Variants in THSD4 observed in about 807,000 individuals in gnomAD.
THSD4 encodes the protein thrombospondin type 1 domain containing 4, also known as thrombospondin type-1 domain-containing protein 4.
Under a neutral mutation model 119.0 loss-of-function variants are expected in THSD4, and 69 were observed. That is an observed-to-expected ratio of 0.58 (90% CI 0.48 to 0.71). The LOEUF (loss-of-function observed/expected upper bound fraction) is 0.71, where lower values mean the gene tolerates loss of function less well. Ranked by LOEUF, THSD4 falls within the 30% of genes least tolerant of loss-of-function variation. THSD4 has a pLI of 0.00. For synonymous variants in THSD4, 524 were observed against 540.4 expected (o/e 0.97, Z 0.42); for missense variants, 1,393 against 1,391.1 (o/e 1.00, Z -0.02).
intron 8 of THSD4, among the ~76,000 whole-genome samples, chr15:71,724,412 A>G (rs1195791329): frequency 6.6e-6 from 1 of 150,748 alleles, no homozygotes; most frequent in African/African-American, 2.4e-5. Flanking sequence ...CAGCCTCCCA[A>G]GTAGCTGGGA....
At chr15:71,407,298 G>T (rs957847662) in intron 6 of THSD4, among the ~76,000 whole-genome samples, 9 of 152,154 alleles carry the variant, frequency 5.9e-5, no homozygotes, top group African/African-American at 2.2e-4. Context: ...CCGTAATGCT[G>T]CGTAGCTTTG....
chr15:71,594,226 C>T lies in THSD4; in HGVS notation c.1153-66304C>T, dbSNP rs796259349. 1.5e-3 allele frequency among the ~76,000 whole-genome samples: 209 copies of T among 141,420 alleles called. 2 individuals are homozygous for T. The highest frequency in any genetic ancestry group is 4.5e-3 in the African/African-American group (173 of 38,096). 92.8% of individuals were successfully genotyped at this position (141,420 alleles called of 152,430 possible). A position where few individuals can be genotyped will look rare whatever the true frequency, so the allele number is the denominator to read the frequency against. ...TGGATGAATCCTTTTTTTTTTTTTT[C>T]CTGAGATAAAGTGTCACTGTTGCCC... On this transcript the variant is annotated intron_variant, in intron 7 of 17. Transcript: ENST00000261862.
At chr15:71,764,659 T>C (rs1023470099) in intron 15 of THSD4, among the ~76,000 whole-genome samples, 1 of 152,258 alleles carries the variant, frequency 6.6e-6, no homozygotes, top group Admixed American at 6.5e-5. Context: ...TCTTGCCTCC[T>C]GTGAGAGGTG....
chr15:71,743,851 AAGAT>A (rs2053281571), intron 11 of THSD4, among the ~76,000 whole-genome samples: 1 of 152,220 alleles, frequency 6.6e-6, no homozygotes, highest in Admixed American at 6.5e-5. Context: ...TTTATGTTAA[AAGAT>A]AGCCCCTATG....
intron 1 of THSD4, among the ~76,000 whole-genome samples, chr15:71,137,975 G>T (rs557470567): frequency 6.6e-5 from 10 of 152,178 alleles, no homozygotes; most frequent in Non-Finnish European, 1.5e-4. Context: ...TATCAGATCT[G>T]TTCAGGCAGT....
At chr15:71,455,855 G>A (rs1324837768) in intron 7 of THSD4, among the ~76,000 whole-genome samples, 2 of 152,142 alleles carry the variant, frequency 1.3e-5, no homozygotes, top group African/African-American at 4.8e-5. Flanking sequence ...GCAATTTTTT[G>A]TGCTTTTCCC....
chr15:71,629,864 T>A (rs1408986298), intron 7 of THSD4, among the ~76,000 whole-genome samples: 1 of 152,212 alleles, frequency 6.6e-6, no homozygotes, highest in Non-Finnish European at 1.5e-5. Flanking sequence ...CAGGAGCCTA[T>A]TTCCTCGGGT....
chr15:71,526,571 C>T (rs2048522648), intron 7 of THSD4, among the ~76,000 whole-genome samples: 1 of 151,998 alleles, frequency 6.6e-6, no homozygotes, highest in African/African-American at 2.4e-5. Context: ...CAGGAATAGT[C>T]GCTGCATTAG....
chr15:71,728,469 G>A, intron 8 of THSD4, 80 bp from the exon 9 acceptor site: 2 of 1,529,384 alleles, frequency 1.3e-6, no homozygotes, highest in South Asian at 2.3e-5. Flanking sequence ...GAATGAAGAA[G>A]CCAGAAACTG....
At chr15:71,754,070 C>T (rs182654830) in intron 14 of THSD4, among the ~76,000 whole-genome samples, 10,392 of 142,056 alleles carry the variant, frequency 0.073, 668 homozygotes, top group East Asian at 0.38. Context: ...ATTCTGTTTA[C>T]CTTTTATTCT....
chr15:71,561,576 A>G (rs1037138286), intron 7 of THSD4, among the ~76,000 whole-genome samples: 1 of 152,142 alleles, frequency 6.6e-6, no homozygotes, highest in African/African-American at 2.4e-5. Context: ...AAAGACAAAC[A>G]TGGGATCCTA....
chr15:71,546,490 T>C (rs2048839782), intron 7 of THSD4, among the ~76,000 whole-genome samples: 1 of 152,236 alleles, frequency 6.6e-6, no homozygotes, highest in South Asian at 2.1e-4. Flanking sequence ...TGATGGTCTA[T>C]GTGAGTCTAC....
At chr15:71,267,913 T>A (rs1201289415) in intron 6 of THSD4, among the ~76,000 whole-genome samples, 2 of 152,156 alleles carry the variant, frequency 1.3e-5, no homozygotes, top group Admixed American at 1.3e-4. Context: ...GAGCTAACTA[T>A]CCTAAATATA....
chr15:71,328,564 G>C (rs965957293), intron 6 of THSD4, among the ~76,000 whole-genome samples: 2 of 152,182 alleles, frequency 1.3e-5, no homozygotes, highest in African/African-American at 4.8e-5. Context: ...GAATCAAACT[G>C]ATAATGCCCC....
intron 7 of THSD4, among the ~76,000 whole-genome samples, chr15:71,617,969 A>G (rs1028711855): frequency 1.3e-5 from 2 of 152,208 alleles, no homozygotes; most frequent in Admixed American, 1.3e-4. Flanking sequence ...CCTGGCTGGC[A>G]TGAGCTGATG....
chr15:71,532,281 AGAGTGTGTGTGTGTGTGTGTGT>A (rs1204623380), intron 7 of THSD4, among the ~76,000 whole-genome samples: 1 of 113,140 alleles, frequency 8.8e-6, no homozygotes, highest in African/African-American at 3.5e-5. Flanking sequence ...AGAGAGAGAG[AGAGTGTGTGTGTGTGTGTGTGT>A]GTGTGTGTGT....
chr15:71,445,845 T>TA (rs572579392), intron 7 of THSD4, among the ~76,000 whole-genome samples: 137 of 152,338 alleles, frequency 9.0e-4, no homozygotes, highest in African/African-American at 3.0e-3. Flanking sequence ...ATGAAATCCT[T>TA]ACGATGTGCT....
chr15:71,215,284 A>G lies in THSD4; in HGVS notation c.349A>G (p.Ser117Gly). 1 of 1,521,518 alleles carries G rather than the reference A, an allele frequency of 6.6e-7. No individual in the cohort carries two copies. Among genetic ancestry groups the G allele is most frequent in the South Asian group, 1.2e-5 (1 of 83,346 alleles). The allele number at this position is 1,521,518 out of a possible 1,614,324, so 94.3% of individuals were successfully genotyped here. The change falls in exon 4 of 18, where the codon AGC becomes GGC. Residue 117 changes from serine to glycine, a missense_variant. By Grantham distance (56) the Ser-to-Gly change is moderately conservative. Transcript: ENST00000261862. ...GCGCACGTCGGTGCCACTGCACCGG[A>G]GCCGCGACGAGACGCCAGCGCTGGC... ...AVRTSVPLHRSRDETPALAGT... is the reference protein window; with the variant it reads ...AVRTSVPLHRGRDETPALAGT...
chr15:71,777,496 C>A lies in THSD4; in HGVS notation c.*122C>A. 7.3e-7 allele frequency: 1 copy of A among 1,369,194 alleles called. No homozygotes were observed. Among genetic ancestry groups the A allele is most frequent in the Admixed American group, 2.4e-5 (1 of 41,756 alleles). 84.8% of individuals were successfully genotyped at this position (1,369,194 alleles called of 1,614,324 possible). On this transcript the variant is annotated 3_prime_UTR_variant, in exon 18 of 18. Transcript: ENST00000261862. ...CCCAGGCGCTGCCAACCAACTTAGT[C>A]ACCACCCCTGCCTCCGGTGAATGCA...
Sources: allele counts gnomAD v4.1 joint callset (sites outside exome capture counted in the v4.1 genomes callset), GRCh38; gene constraint gnomAD v4.1.1; transcripts MANE v1.5; gene names NCBI Gene and HGNC (gene_info 2026-07-23, HGNC 2026-07-21).